KHDC1: variants seen among roughly 807,000 people sequenced by gnomAD.
The protein encoded by KHDC1 is KH domain containing 1.
A neutral mutation model predicts 24.7 loss-of-function variants in KHDC1; 21 were observed. That is an observed-to-expected ratio of 0.85 (90% CI 0.60 to 1.23). KHDC1 has a LOEUF of 1.23. Ranked by LOEUF, KHDC1 falls within the 50% of genes most tolerant of loss-of-function variation. The probability of loss-of-function intolerance (pLI) is 0.00; values close to 1 mark genes in which losing one functional copy is unlikely to be tolerated. For synonymous variants in KHDC1, 98 were observed against 111.7 expected, an observed-to-expected ratio of 0.88 and a Z score of 0.77; for missense variants, 274 against 298.5, an observed-to-expected ratio of 0.92 and a Z score of 0.61.
intron 2 of KHDC1, among the ~76,000 whole-genome samples, chr6:73,246,475 C>G (rs532489230): frequency 6.6e-6 from 1 of 152,128 alleles, no homozygotes; most frequent in Non-Finnish European, 1.5e-5. Context: ...CAAATGATCA[C>G]GAACACTCCC....
At chr6:73,257,386 C>T (rs2150562636) in intron 2 of KHDC1, among the ~76,000 whole-genome samples, 1 of 152,264 alleles carries the variant, frequency 6.6e-6, no homozygotes, top group East Asian at 1.9e-4. Flanking sequence ...TGTCTGGGCT[C>T]ATGGTTGGGA....
chr6:73,292,521 A>G (rs1767675640), intron 1 of KHDC1: 1 of 769,264 alleles, frequency 1.3e-6, no homozygotes, highest in African/African-American at 1.7e-5. Flanking sequence ...GCAGACATGG[A>G]AGACCTTACA....
intron 1 of KHDC1, among the ~76,000 whole-genome samples, chr6:73,301,834 G>A (rs78233466): frequency 0.01 from 1,520 of 151,908 alleles, 27 homozygotes; most frequent in African/African-American, 0.035. Flanking sequence ...ACCCCACTAC[G>A]TTGCCCAGGT....
intron 2 of KHDC1, among the ~76,000 whole-genome samples, chr6:73,244,785 T>G (rs1025928820): frequency 6.6e-6 from 1 of 151,436 alleles, no homozygotes; most frequent in Admixed American, 6.6e-5. Flanking sequence ...ACTAAAAAAA[T>G]AGTCAGGTGA....
chr6:73,293,775 TAC>T (rs57955398), intron 1 of KHDC1, among the ~76,000 whole-genome samples: 35,510 of 151,436 alleles, frequency 0.23, 4,828 homozygotes, highest in African/African-American at 0.37. Context: ...GAGGCCAAGG[TAC>T]GGGTGGATCA....
At chr6:73,290,983 T>C in intron 2 of KHDC1, 1 of 354,262 alleles carries the variant, frequency 2.8e-6, no homozygotes, top group Non-Finnish European at 5.6e-6. Context: ...TCTCCCATGA[T>C]CATGCCTGAT....
At chr6:73,272,092 G>A (rs1218260079) in intron 2 of KHDC1, among the ~76,000 whole-genome samples, 2 of 151,390 alleles carry the variant, frequency 1.3e-5, no homozygotes, top group African/African-American at 4.8e-5. Context: ...AGCACAATTT[G>A]TCTCTAAAGG....
intron 2 of KHDC1, among the ~76,000 whole-genome samples, chr6:73,264,117 T>C (rs1173300779): frequency 6.6e-6 from 1 of 152,116 alleles, no homozygotes; most frequent in Non-Finnish European, 1.5e-5. Context: ...GAGGATTGCT[T>C]GAGCCCGAGA....
intron 2 of KHDC1, among the ~76,000 whole-genome samples, chr6:73,285,649 C>CTTTTTTTTTTTTTTTT (rs539979246): frequency 7.7e-6 from 1 of 130,074 alleles, no homozygotes; most frequent in Non-Finnish European, 1.6e-5. Context: ...TCTTTTTTTT[C>CTTTTTTTTTTTTTTTT]TTTTTTTTTT....
At chr6:73,289,904 TCCTGGCTAACAAGGTGAAAC>T (rs1380839758) in intron 2 of KHDC1, among the ~76,000 whole-genome samples, 1 of 151,380 alleles carries the variant, frequency 6.6e-6, no homozygotes, top group South Asian at 2.1e-4. Flanking sequence ...ATCGAGACCA[TCCTGGCTAACAAGGTGAAAC>T]CCCGTCTCTA....
intron 2 of KHDC1, among the ~76,000 whole-genome samples, chr6:73,272,374 G>A (rs1767195575): frequency 6.6e-6 from 1 of 151,226 alleles, no homozygotes; most frequent in Admixed American, 6.6e-5. Context: ...CTTGTGATCC[G>A]CCCACCCACC....
chr6:73,301,635 A>ATTT (rs924928468), intron 1 of KHDC1, among the ~76,000 whole-genome samples: 1 of 150,678 alleles, frequency 6.6e-6, no homozygotes, highest in Non-Finnish European at 1.5e-5. Context: ...GGTTTTTTAA[A>ATTT]TTTTTTTTTT....
At chr6:73,308,370 T>C (rs1485091117) in intron 1 of KHDC1, among the ~76,000 whole-genome samples, 1 of 151,228 alleles carries the variant, frequency 6.6e-6, no homozygotes, top group East Asian at 2.0e-4. Flanking sequence ...CACCACGCCC[T>C]GCTGCAATTT....
At chr6:73,287,663 T>G (rs1002906255) in intron 2 of KHDC1, among the ~76,000 whole-genome samples, 2 of 152,188 alleles carry the variant, frequency 1.3e-5, no homozygotes, top group African/African-American at 2.4e-5. Context: ...TTACTTCAAG[T>G]AATATACACT....
chr6:73,290,536 C>A, intron 2 of KHDC1: 1 of 437,518 alleles, frequency 2.3e-6, no homozygotes, highest in Non-Finnish European at 4.4e-6. Flanking sequence ...TAACAAGATC[C>A]AAAGTCCACA....
intron 2 of KHDC1, chr6:73,290,717 C>T: frequency 4.9e-6 from 2 of 405,986 alleles, no homozygotes; most frequent in Non-Finnish European, 9.6e-6. Context: ...GGTCACTTCA[C>T]TTCTGGAACC....
intron 2 of KHDC1, chr6:73,263,054 C>T: frequency 4.3e-6 from 2 of 470,468 alleles, no homozygotes; most frequent in Non-Finnish European, 5.3e-6. Context: ...GCGGCGGCGG[C>T]GGCGGCGGCG....
At chr6:73,263,159 T>C (rs1274062934) in intron 2 of KHDC1, 1 of 986,984 alleles carries the variant, frequency 1.0e-6, no homozygotes, top group Non-Finnish European at 1.2e-6. Flanking sequence ...GGGTCCCGGC[T>C]CGCGCCGCGG....
Position 73,290,720 on chromosome 6 carries a change from C to A in KHDC1, c.206+1278G>T, listed in dbSNP as rs576434117. 3.2e-4 allele frequency: 131 copies of A among 406,102 alleles called. 1 individual carries two copies. The highest frequency in any genetic ancestry group is 2.6e-3 in the South Asian group (130 of 50,228). The allele number at this position is 406,102 out of a possible 1,614,324, so 25.2% of individuals were successfully genotyped here. On this transcript the variant is annotated intron_variant, in intron 2 of 4. Coordinates refer to ENST00000370384, the Ensembl canonical transcript of KHDC1. ...ACATGTATTGCTGGTCACTTCACTT[C>A]TGGAACCTTTGCTAACCAGATCCAA...
Sources: gnomAD v4.1 joint callset for allele counts (sites outside exome capture counted in the v4.1 genomes callset) on GRCh38, gnomAD v4.1.1 for gene constraint, MANE v1.5 for transcripts, NCBI Gene and HGNC (gene_info 2026-07-23, HGNC 2026-07-21) for gene names.